The following NUCB2 variants were observed in gnomAD, a reference collection of about 807,000 sequenced individuals.
The protein encoded by NUCB2 is nucleobindin 2, also known as nucleobindin-2.
Under a neutral mutation model 57.9 loss-of-function variants are expected in NUCB2, and 48 were observed. The observed-to-expected ratio is 0.83, with a 90% CI of 0.66 to 1.05. The LOEUF (loss-of-function observed/expected upper bound fraction) is 1.05, where lower values mean the gene tolerates loss of function less well. Among genes scored for constraint, NUCB2 ranks in the 50% least tolerant of loss-of-function variants. The pLI is 0.00. For missense variants in NUCB2, 442 were observed against 476.2 expected (o/e 0.93, Z 0.67); for synonymous variants, 139 against 152.1 (o/e 0.91, Z 0.64).
At chr11:17,287,904 G>T (rs1591240481) in intron 2 of NUCB2, among the ~76,000 whole-genome samples, 1 of 152,230 alleles carries the variant, frequency 6.6e-6, no homozygotes, top group Middle Eastern at 3.4e-3. Flanking sequence ...GGAGGCTGAG[G>T]CAGGAATCGC....
chr11:17,295,398 G>A lies in NUCB2; in HGVS notation c.75G>A (p.Val25=), dbSNP rs200331361. 1.9e-6 allele frequency: 3 copies of A among 1,613,464 alleles called. No individual in the cohort carries two copies. Among genetic ancestry groups the A allele is most frequent in the East Asian group, 2.2e-5 (1 of 44,764 alleles). The change falls in exon 3 of 14, where the codon GTG becomes GTA. Residue 25 remains valine (V), a synonymous_variant. Coordinates refer to ENST00000529010, the MANE Select transcript of NUCB2 (RefSeq NM_005013.4). ...ITCLLTALEA[V]PIDIDKTKVQ... is the part of the protein sequence containing the mutation. ...GTTTACTTACTGCTCTTGAAGCTGT[G>A]CCTATTGACATAGACAAGACAAAAG...
At position 17,301,883 on chromosome 11, in the gene NUCB2, C is replaced by G. The variant is rs1426323239; in HGVS notation, c.379+13C>G. 1.3e-6 allele frequency: 2 copies of G among 1,598,174 alleles called. No homozygotes were observed. Among genetic ancestry groups the G allele is most frequent in the African/African-American group, 2.7e-5 (2 of 73,950 alleles). The stretch of plus-strand genomic sequence containing the variant: ...GATTCCCTTCAAGGTAAGTGCTAAA[C>G]AAAAGGTAGGATTTTTTTTTTCTTT... On this transcript the variant is annotated intron_variant, in intron 5 of 13. Coordinates refer to ENST00000529010, the MANE Select transcript of NUCB2 (RefSeq NM_005013.4).
intron 2 of NUCB2, among the ~76,000 whole-genome samples, chr11:17,288,882 T>TACACACAC (rs1167995024): frequency 0.013 from 571 of 44,496 alleles, 16 homozygotes; most frequent in Non-Finnish European, 0.017. Flanking sequence ...AACATGTATA[T>TACACACAC]ACACACACAC....
chr11:17,310,408 G>A (rs1948308160), intron 6 of NUCB2, among the ~76,000 whole-genome samples: 1 of 152,130 alleles, frequency 6.6e-6, no homozygotes, highest in Non-Finnish European at 1.5e-5. Flanking sequence ...AGGCCAAGGA[G>A]GGTGGATCAC....
intron 2 of NUCB2, among the ~76,000 whole-genome samples, chr11:17,293,079 C>T (rs1281000199): frequency 6.6e-6 from 1 of 151,824 alleles, no homozygotes; most frequent in African/African-American, 2.4e-5. Flanking sequence ...CATGGTGAAA[C>T]CCCAGCTCTA....
At chr11:17,320,059 G>T (rs113659299) in intron 11 of NUCB2, among the ~76,000 whole-genome samples, 1 of 147,290 alleles carries the variant, frequency 6.8e-6, no homozygotes, top group African/African-American at 2.4e-5. Context: ...CTCCTGCAGG[G>T]GACATGATCT....
chr11:17,299,420 A>C (rs1946345212), intron 4 of NUCB2, among the ~76,000 whole-genome samples: 1 of 152,104 alleles, frequency 6.6e-6, no homozygotes, highest in South Asian at 2.1e-4. Flanking sequence ...TTGATTCTGT[A>C]ACAGTATATT....
At chr11:17,327,559 A>G (rs1228021977) in intron 11 of NUCB2, among the ~76,000 whole-genome samples, 4 of 152,088 alleles carry the variant, frequency 2.6e-5, no homozygotes, top group African/African-American at 7.2e-5. Flanking sequence ...TAAAACTCCT[A>G]TATTTGCCGT....
intron 6 of NUCB2, among the ~76,000 whole-genome samples, chr11:17,310,530 G>A (rs1304814371): frequency 2.0e-5 from 3 of 152,016 alleles, no homozygotes; most frequent in Admixed American, 2.0e-4. Context: ...CCAGCTACTC[G>A]AGAGGCCTCA....
intron 11 of NUCB2, 55 bp downstream of exon 11, chr11:17,315,530 T>A (rs1170523621): frequency 2.9e-6 from 3 of 1,038,456 alleles, no homozygotes; most frequent in African/African-American, 1.6e-5. Flanking sequence ...TACATCAGTC[T>A]ATTCTACTTT....
chr11:17,346,543 T>C (rs1235887885), intron 2 of NUCB2, among the ~76,000 whole-genome samples: 1 of 152,232 alleles, frequency 6.6e-6, no homozygotes, highest in Non-Finnish European at 1.5e-5. Flanking sequence ...AATATTTCCA[T>C]TTAAATTCAA....
At chr11:17,335,161 AT>A (rs1259523406), downstream of NUCB2, among the ~76,000 whole-genome samples, 1 of 152,126 alleles carries the variant, frequency 6.6e-6, no homozygotes, top group African/African-American at 2.4e-5. Context: ...ATTATAAGCA[AT>A]AGAATATCTC....
rs554127684 is a variant in NUCB2, at chr11:17,344,764, G to A, written n.2627-4581G>A. Among the ~76,000 whole-genome samples the A allele has an allele frequency of 6.4e-4, 97 of 152,318 alleles. 1 individual carries two copies. The Middle Eastern group carries it at 0.01, about 16-fold the overall frequency. ...ATATAAATGATAAAACAGAGGCTAA[G>A]TATTTTTGTAAGGACAGCAATTTGA... On this transcript the variant is annotated intron_variant and non_coding_transcript_variant, in intron 2 of 2. Coordinates refer to the NUCB2 transcript ENST00000532240.
At chr11:17,343,899 A>G (rs1455822812) in intron 2 of NUCB2, among the ~76,000 whole-genome samples, 1 of 152,082 alleles carries the variant, frequency 6.6e-6, no homozygotes, top group African/African-American at 2.4e-5. Flanking sequence ...TTCTTTTGAT[A>G]TGTGTGTGTA....
At chr11:17,303,030 AC>A (rs907495899) in intron 5 of NUCB2, among the ~76,000 whole-genome samples, 11 of 150,992 alleles carry the variant, frequency 7.3e-5, no homozygotes, top group Admixed American at 6.6e-4. Flanking sequence ...GAGCCACCGC[AC>A]CCGGCCTAGT....
At chr11:17,295,948 T>C (rs1447857045) in intron 3 of NUCB2, among the ~76,000 whole-genome samples, 156 bp from the exon 4 acceptor site, 4 of 152,230 alleles carry the variant, frequency 2.6e-5, no homozygotes, top group African/African-American at 9.6e-5. Flanking sequence ...TATAAAACTA[T>C]TTATTTCAGA....
intron 1 of NUCB2, among the ~76,000 whole-genome samples, chr11:17,281,824 T>C (rs1246446865): frequency 6.6e-6 from 1 of 152,114 alleles, no homozygotes; most frequent in African/African-American, 2.4e-5. Flanking sequence ...AAGAAATACA[T>C]GTCTCCTTAA....
intron 11 of NUCB2, among the ~76,000 whole-genome samples, chr11:17,318,329 T>TAA (rs35980924): frequency 2.0e-5 from 3 of 149,972 alleles, no homozygotes; most frequent in Admixed American, 6.7e-5. Context: ...AAGTCAGCTT[T>TAA]AAAAAAAAAA....
intron 2 of NUCB2, among the ~76,000 whole-genome samples, chr11:17,288,860 A>G (rs1159022071): frequency 7.7e-6 from 1 of 129,970 alleles, no homozygotes; most frequent in Non-Finnish European, 1.6e-5. Flanking sequence ...TGGCCCTTAA[A>G]GTCTATTTAA....
Sources: gnomAD v4.1 joint callset for allele counts (sites outside exome capture counted in the v4.1 genomes callset) on GRCh38, gnomAD v4.1.1 for gene constraint, MANE v1.5 for transcripts, NCBI Gene and HGNC (gene_info 2026-07-23, HGNC 2026-07-21) for gene names.